Variants in SAMD12 observed in about 807,000 individuals in gnomAD.
SAMD12 encodes sterile alpha motif domain-containing protein 12.
A neutral mutation model predicts 15.0 loss-of-function variants in SAMD12; 9 were observed. That is an observed-to-expected ratio of 0.60 (90% CI 0.36 to 1.05). The LOEUF is 1.05. Among genes scored for constraint, SAMD12 ranks in the 50% least tolerant of loss-of-function variants. SAMD12 has a pLI of 0.01. For synonymous variants in SAMD12, 86 were observed against 90.1 expected, an observed-to-expected ratio of 0.96 and a Z score of 0.25; for missense variants, 230 against 234.2, an observed-to-expected ratio of 0.98 and a Z score of 0.12.
At chr8:118,514,605 G>A (rs1825178651) in intron 2 of SAMD12, among the ~76,000 whole-genome samples, 1 of 152,192 alleles carries the variant, frequency 6.6e-6, no homozygotes, top group South Asian at 2.1e-4. Context: ...GAATCATTAT[G>A]CTCTTCGCAC....
chr8:118,155,768 A>G, the SAMD12 span, among the ~76,000 whole-genome samples: 1 of 152,210 alleles, frequency 6.6e-6, no homozygotes, highest in South Asian at 2.1e-4. Flanking sequence ...TTCTAGGAGG[A>G]TGAATAATTA....
At chr8:118,546,352 C>A (rs1826122366) in intron 2 of SAMD12, among the ~76,000 whole-genome samples, 1 of 152,058 alleles carries the variant, frequency 6.6e-6, no homozygotes, top group African/African-American at 2.4e-5. Context: ...CTGCTCTCAA[C>A]CAGAGATAAC....
chr8:118,621,719 C>G lies in SAMD12; in HGVS notation c.13+85G>C. 2.6e-6 allele frequency: 4 copies of G among 1,514,868 alleles called. No individual in the cohort carries two copies. In the Admixed American group the frequency reaches 5.0e-5, roughly 19 times the overall value. 93.8% of individuals were successfully genotyped at this position (1,514,868 alleles called of 1,614,324 possible). On this transcript the variant is annotated intron_variant, in intron 1 of 3. Transcript: ENST00000314727. Reference sequence around the variant, plus strand: ...CCGCCACCCCCTTTCCTCGCCTCCCCACGATCGCCAAGCTTCATCGGGGAT... The same window carrying G: ...CCGCCACCCCCTTTCCTCGCCTCCCGACGATCGCCAAGCTTCATCGGGGAT...
intron 4 of SAMD12, among the ~76,000 whole-genome samples, chr8:118,220,099 A>G (rs555167362): frequency 6.6e-6 from 1 of 152,286 alleles, no homozygotes; most frequent in Admixed American, 6.5e-5. Flanking sequence ...GGAGTTCTGG[A>G]TAAATGGTTG....
intron 2 of SAMD12, among the ~76,000 whole-genome samples, chr8:118,476,835 C>T (rs73315356): frequency 0.022 from 3,381 of 152,244 alleles, 119 homozygotes; most frequent in African/African-American, 0.077. Context: ...GCTCAGAAAA[C>T]GGCATTTGTT....
At chr8:118,506,569 C>T (rs563071877) in intron 2 of SAMD12, among the ~76,000 whole-genome samples, 2 of 152,006 alleles carry the variant, frequency 1.3e-5, no homozygotes, top group Admixed American at 1.3e-4. Flanking sequence ...ACCTTTTAGT[C>T]TGAGTTTATC....
chr8:118,133,800 C>T, the SAMD12 span, among the ~76,000 whole-genome samples: 2 of 151,998 alleles, frequency 1.3e-5, no homozygotes, highest in East Asian at 3.9e-4. Flanking sequence ...AGACAAAGTA[C>T]TCATTCTAAT....
chr8:118,505,931 T>A (rs559290981), intron 2 of SAMD12, among the ~76,000 whole-genome samples: 96 of 152,300 alleles, frequency 6.3e-4, no homozygotes, highest in Non-Finnish European at 1.1e-3. Flanking sequence ...AATTTGGATA[T>A]TCCTTGGTGC....
the SAMD12 span, among the ~76,000 whole-genome samples, chr8:118,141,258 A>G: frequency 6.6e-6 from 1 of 152,230 alleles, no homozygotes; most frequent in Non-Finnish European, 1.5e-5. Flanking sequence ...AGAAGTACTA[A>G]CTAATTTGAG....
intron 3 of SAMD12, among the ~76,000 whole-genome samples, chr8:118,382,543 T>C (rs753754367): frequency 1.3e-5 from 2 of 152,248 alleles, no homozygotes; most frequent in African/African-American, 4.8e-5. Flanking sequence ...GGTTTAAATA[T>C]ATGAGTCAGA....
At chr8:118,505,493 T>G (rs1824897780) in intron 2 of SAMD12, among the ~76,000 whole-genome samples, 1 of 152,108 alleles carries the variant, frequency 6.6e-6, no homozygotes, top group Non-Finnish European at 1.5e-5. Flanking sequence ...GCAGGCAGAC[T>G]CTTCTGAAAG....
chr8:118,555,771 C>T (rs1344585043), intron 2 of SAMD12, among the ~76,000 whole-genome samples: 1 of 152,156 alleles, frequency 6.6e-6, no homozygotes, highest in Non-Finnish European at 1.5e-5. Context: ...ATTACACTTC[C>T]TGAATAGAGA....
In SAMD12 at chr8:118,580,715, C is replaced by T. The variant is rs1488598334; in HGVS notation, c.192G>A (p.Lys64=). ...CGTAATTAACTGGAATATTACGCAC[C>T]TTAGCCGTCTCAGCTTCTGCCTGCA... ...KRLQAEAETA[K]SATVKLSKPV... Residue 64 remains lysine, a splice_region_variant and synonymous_variant, in exon 2 of 4, where the codon AAG becomes AAA. Transcript: ENST00000314727. 6.2e-7 allele frequency: 1 copy of T among 1,611,124 alleles called. No homozygotes were observed. Among genetic ancestry groups the T allele is most frequent in the Non-Finnish European group, 8.5e-7 (1 of 1,177,810 alleles).
chr8:118,214,973 T>C (rs998901331), intron 4 of SAMD12, among the ~76,000 whole-genome samples: 2 of 152,256 alleles, frequency 1.3e-5, no homozygotes, highest in Non-Finnish European at 2.9e-5. Flanking sequence ...AAGCTGCTAC[T>C]GCAGTTGTTA....
chr8:118,452,944 T>G (rs1163813968), intron 2 of SAMD12, among the ~76,000 whole-genome samples: 1 of 152,212 alleles, frequency 6.6e-6, no homozygotes, highest in Non-Finnish European at 1.5e-5. Flanking sequence ...GATACCACAA[T>G]GAGAATGATC....
intron 2 of SAMD12, among the ~76,000 whole-genome samples, chr8:118,555,053 T>C (rs1826483572): frequency 6.6e-6 from 1 of 152,150 alleles, no homozygotes; most frequent in Non-Finnish European, 1.5e-5. Context: ...GATGACCAGT[T>C]AGGGGTTTGG....
intron 2 of SAMD12, among the ~76,000 whole-genome samples, chr8:118,528,876 CAA>C (rs1369142020): frequency 6.6e-6 from 1 of 152,114 alleles, no homozygotes; most frequent in Admixed American, 6.6e-5. Context: ...AATTTTCTTT[CAA>C]AGTTTTAGGT....
chr8:118,322,427 C>A (rs1192433756), intron 4 of SAMD12, among the ~76,000 whole-genome samples: 1 of 152,216 alleles, frequency 6.6e-6, no homozygotes, highest in African/African-American at 2.4e-5. Flanking sequence ...AGATCCCTGG[C>A]TACATGCCTG....
exon 5 of SAMD12, chr8:118,190,712 A>C (rs1284240890): frequency 6.6e-6 from 1 of 152,174 alleles, no homozygotes; most frequent in Non-Finnish European, 1.5e-5. Flanking sequence ...TTGGAGGCAC[A>C]GTATAGCTTC....
Sources: gnomAD v4.1 joint callset for allele counts (sites outside exome capture counted in the v4.1 genomes callset) on GRCh38, gnomAD v4.1.1 for gene constraint, MANE v1.5 for transcripts, NCBI Gene and HGNC (gene_info 2026-07-23, HGNC 2026-07-21) for gene names.